Variants in TMEM8B observed in about 807,000 individuals in gnomAD.
TMEM8B encodes the protein transmembrane protein 8B.
A neutral mutation model predicts 49.3 loss-of-function variants in TMEM8B; 29 were observed. The observed-to-expected ratio is 0.59, with a 90% CI of 0.44 to 0.80. The LOEUF is 0.80. Among genes scored for constraint, TMEM8B ranks in the 30% least tolerant of loss-of-function variants. TMEM8B has a pLI of 0.00. For missense variants in TMEM8B, 575 were observed against 658.5 expected (o/e 0.87, Z 1.39); for synonymous variants, 264 against 272.8 (o/e 0.97, Z 0.32).
In TMEM8B at chr9:35,844,530, G is replaced by A. The variant is rs548884237; in HGVS notation, c.1636-1445G>A. Among the ~76,000 whole-genome samples, 20 of 152,310 alleles carry A rather than the reference G, an allele frequency of 1.3e-4. No individual in the cohort carries two copies. In the South Asian group the frequency reaches 1.7e-3, roughly 13 times the overall value. On this transcript the variant is annotated intron_variant, in intron 6 of 12. Coordinates refer to ENST00000643932, the MANE Select transcript of TMEM8B (RefSeq NM_001042590.4). ...GGACACGGCTTAGAACTTTCTAGTC[G>A]TCCTGTTAGAGCCATTTATTCAACC...
intron 3 of TMEM8B, among the ~76,000 whole-genome samples, chr9:35,840,152 A>G (rs1830831171): frequency 6.6e-6 from 1 of 152,194 alleles, no homozygotes; most frequent in Admixed American, 6.5e-5. Flanking sequence ...AGCTTACTGG[A>G]GAGTGATGAG....
rs912832818 is a variant in TMEM8B at position 35,864,985 on chromosome 9, T to C, written c.*11145T>C. On this transcript the variant is annotated 3_prime_UTR_variant, in exon 13 of 13. Coordinates refer to ENST00000643932, the MANE Select transcript of TMEM8B (RefSeq NM_001042590.4). The stretch of plus-strand genomic sequence containing the variant: ...TTGCCCCCTGCTTTCAGGGACCTCA[T>C]GGTCCCTGCCCAATTTAAAGTTCAA... 4 of 152,244 alleles carry C rather than the reference T, an allele frequency of 2.6e-5. No homozygotes were observed. The highest frequency in any genetic ancestry group is 7.2e-5 in the African/African-American group (3 of 41,446). 9.4% of individuals were successfully genotyped at this position (152,244 alleles called of 1,614,324 possible). A position where few individuals can be genotyped will look rare whatever the true frequency, so the allele number is the denominator to read the frequency against.
intron 6 of TMEM8B, chr9:35,845,283 G>A (rs1831411151): frequency 1.8e-6 from 1 of 569,858 alleles, no homozygotes; most frequent in Non-Finnish European, 2.2e-6. Flanking sequence ...CCTACCTTAG[G>A]GACAGACTTT....
chr9:35,859,202 C>T lies in TMEM8B; in HGVS notation c.*5362C>T, dbSNP rs1832607684. ...TCTTATCCACGTTGGGATCCTTGGCCTTGGGTTTGAAGTACATGAAGGAGA... is the reference window on the plus strand; with the variant it reads ...TCTTATCCACGTTGGGATCCTTGGCTTTGGGTTTGAAGTACATGAAGGAGA... On this transcript the variant is annotated 3_prime_UTR_variant, in exon 13 of 13. Transcript: ENST00000643932. 3 of 154,354 alleles carry T rather than the reference C, an allele frequency of 1.9e-5. No homozygotes were observed. The South Asian group carries it at 6.2e-4, about 32-fold the overall frequency. The allele number at this position is 154,354 out of a possible 1,614,324, so 9.6% of individuals were successfully genotyped here.
intron 2 of TMEM8B, 121 bp downstream of exon 2, chr9:35,834,771 CTGAG>C: frequency 2.4e-6 from 1 of 410,602 alleles, no homozygotes; most frequent in East Asian, 3.6e-5. Context: ...TGAAGTGTGA[CTGAG>C]TGAGGGCCAT....
In TMEM8B at chr9:35,856,056, TGA is replaced by T. The variant is rs1832533798; in HGVS notation, c.*2218_*2219del. 6.6e-6 allele frequency: 1 copy of T among 151,740 alleles called. No individual in the cohort carries two copies. Among genetic ancestry groups the T allele is most frequent in the African/African-American group, 2.4e-5 (1 of 41,268 alleles). 9.4% of individuals were successfully genotyped at this position (151,740 alleles called of 1,614,324 possible). A position where few individuals can be genotyped will look rare whatever the true frequency, so the allele number is the denominator to read the frequency against. On this transcript the variant is annotated 3_prime_UTR_variant, in exon 13 of 13. Coordinates refer to ENST00000643932, the MANE Select transcript of TMEM8B (RefSeq NM_001042590.4). ...CGGAGCTGGGGTGCATCCCTCCCAG[TGA>T]GGAGGGGTCATGAGGGGCGTCTGGG...
chr9:35,829,423 T>G lies in TMEM8B; in HGVS notation c.-25T>G. On this transcript the variant is annotated 5_prime_UTR_variant, in exon 1 of 13. Coordinates refer to ENST00000643932, the MANE Select transcript of TMEM8B (RefSeq NM_001042590.4). The stretch of plus-strand genomic sequence containing the variant: ...TCTGCGAGCGCCCCGCGCTGGCCTG[T>G]CCGGCCCCGCCCCCGCCCCGGGCCA... The G allele has an allele frequency of 5.8e-6, 2 of 342,358 alleles. No individual in the cohort carries two copies. Among genetic ancestry groups the G allele is most frequent in the Non-Finnish European group, 1.0e-5 (2 of 191,786 alleles). 21.2% of individuals were successfully genotyped at this position (342,358 alleles called of 1,614,324 possible). A position where few individuals can be genotyped will look rare whatever the true frequency, so the allele number is the denominator to read the frequency against.
In TMEM8B at chr9:35,863,631, T is replaced by A. The variant is rs1444805751; in HGVS notation, c.*9791T>A. ...ACGAAGTTTTATTTCTCATGCTACATGTCTACTGTGGCTTTCCCGGTGGCT... is the reference window on the plus strand; with the variant it reads ...ACGAAGTTTTATTTCTCATGCTACAAGTCTACTGTGGCTTTCCCGGTGGCT... On this transcript the variant is annotated 3_prime_UTR_variant, in exon 13 of 13. Transcript: ENST00000643932. 1 of 152,196 alleles carries A rather than the reference T, an allele frequency of 6.6e-6. No homozygotes were observed. Among genetic ancestry groups the A allele is most frequent in the African/African-American group, 2.4e-5 (1 of 41,452 alleles). The allele number at this position is 152,196 out of a possible 1,614,324, so 9.4% of individuals were successfully genotyped here.
Position 35,835,069 on chromosome 9 carries a change from G to C in TMEM8B, c.757G>C (p.Asp253His), listed in dbSNP as rs1830315604. 7.2e-6 allele frequency: 3 copies of C among 415,592 alleles called. No homozygotes were observed. 25.7% of individuals were successfully genotyped at this position (415,592 alleles called of 1,614,324 possible). ...INPLHTHFPG[D>H]TAVPGVFSLT... ...TCCCCTGCATACACACTTCCCAGGG[G>C]ACACAGCTGTGCCTGGGGTTTTCTC... Residue 253 changes from aspartate (D) to histidine (H), a missense_variant, in exon 3 of 13, where the codon GAC (aspartate) becomes CAC (histidine). Coordinates refer to ENST00000643932, the MANE Select transcript of TMEM8B (RefSeq NM_001042590.4).
Position 35,842,345 on chromosome 9 carries a change from G to A in TMEM8B, c.1310-47G>A, listed in dbSNP as rs1831097845. 7.2e-7 allele frequency: 1 copy of A among 1,387,726 alleles called. No homozygotes were observed. Among genetic ancestry groups the A allele is most frequent in the Non-Finnish European group, 9.6e-7 (1 of 1,039,162 alleles). The allele number at this position is 1,387,726 out of a possible 1,614,324, so 86.0% of individuals were successfully genotyped here. A position where few individuals can be genotyped will look rare whatever the true frequency, so the allele number is the denominator to read the frequency against. ...CAGATGTGTTTATGAGTAAGTTCAG[G>A]ACTGTAAAGGCTGCAGGCCCAAGCT... On this transcript the variant is annotated intron_variant, in intron 5 of 12. Coordinates refer to ENST00000643932, the MANE Select transcript of TMEM8B (RefSeq NM_001042590.4). This position sits in a 1 kb window ranked among gnomAD's most constrained non-coding sequence, Gnocchi z 5.6.
chr9:35,832,430 C>G (rs1830009151), intron 1 of TMEM8B, among the ~76,000 whole-genome samples: 1 of 152,044 alleles, frequency 6.6e-6, no homozygotes, highest in South Asian at 2.1e-4. Flanking sequence ...CAAGTTCCTC[C>G]TAGCATTCCC....
At chr9:35,838,507 T>C (rs962390650) in intron 3 of TMEM8B, among the ~76,000 whole-genome samples, 1 of 151,964 alleles carries the variant, frequency 6.6e-6, no homozygotes, top group Non-Finnish European at 1.5e-5. Context: ...TTGCTTGGTG[T>C]TCCAGCACAA....
chr9:35,842,335 G>A lies in TMEM8B; in HGVS notation c.1310-57G>A. 7.6e-7 allele frequency: 1 copy of A among 1,309,932 alleles called. No individual in the cohort carries two copies. The highest frequency in any genetic ancestry group is 1.5e-5 in the African/African-American group (1 of 67,050). The allele number at this position is 1,309,932 out of a possible 1,614,324, so 81.1% of individuals were successfully genotyped here. A position where few individuals can be genotyped will look rare whatever the true frequency, so the allele number is the denominator to read the frequency against. The stretch of plus-strand genomic sequence containing the variant: ...CTGTCTAGCTCAGATGTGTTTATGA[G>A]TAAGTTCAGGACTGTAAAGGCTGCA... On this transcript the variant is annotated intron_variant, in intron 5 of 12. Transcript: ENST00000643932. This position sits in a 1 kb window ranked among gnomAD's most constrained non-coding sequence, Gnocchi z 5.6.
At chr9:35,849,400 A>G (rs141010924) in intron 10 of TMEM8B, among the ~76,000 whole-genome samples, 3 of 152,374 alleles carry the variant, frequency 2.0e-5, no homozygotes, top group Non-Finnish European at 4.4e-5. Context: ...GTATATAGGC[A>G]AACAATTCAG....
rs758292475 is a variant in TMEM8B at position 35,842,486 on chromosome 9, G to A, written c.1404G>A (p.Pro468=). The part of the protein sequence containing the change: ...SLGNQPLPPE[P]PSLGTPAEGP... The stretch of plus-strand genomic sequence containing the variant: ...GCAACCAGCCACTGCCCCCAGAACC[G>A]CCATCCCTTGGAACCCCTGCGGAGG... Residue 468 remains proline, a synonymous_variant, in exon 6 of 13, where the codon CCG becomes CCA. Coordinates refer to ENST00000643932, the MANE Select transcript of TMEM8B (RefSeq NM_001042590.4). The surrounding 1 kb of genome is among the most constrained non-coding windows in gnomAD (Gnocchi z 5.6). The A allele has an allele frequency of 3.4e-5, 55 of 1,602,054 alleles. No homozygotes were observed. The highest frequency in any genetic ancestry group is 1.9e-4 in the Admixed American group (11 of 59,300).
At chr9:35,849,124 TC>T (rs1831909355) in intron 10 of TMEM8B, among the ~76,000 whole-genome samples, 1 of 152,162 alleles carries the variant, frequency 6.6e-6, no homozygotes, top group Non-Finnish European at 1.5e-5. Flanking sequence ...CTGTGGTCCC[TC>T]CTTGCCATTC....
At position 35,842,415 on chromosome 9, in the gene TMEM8B, C is replaced by T. The variant is rs766145367; in HGVS notation, c.1333C>T (p.Arg445Ter). Residue 445 changes from arginine (R) to a stop codon, truncating the protein, a stop_gained, in exon 6 of 13, where the codon CGA (arginine) becomes TGA (stop). Transcript: ENST00000643932. LOFTEE classifies it high-confidence loss of function. The surrounding 1 kb of genome is among the most constrained non-coding windows in gnomAD (Gnocchi z 5.6). ...AGAGTGCCCACAGCCCGGCCTGCTC[C>T]GAGCCCTGGTCCCTGGAGCTGCCAT... is the stretch of plus-strand genomic sequence containing the variant. ...LQECPQPGLL[R>*]ALVPGAAMNM... The T allele has an allele frequency of 8.4e-6, 13 of 1,539,278 alleles. No individual in the cohort carries two copies. Among genetic ancestry groups the T allele is most frequent in the African/African-American group, 2.7e-5 (2 of 72,930 alleles).
At chr9:35,845,299 C>T in intron 6 of TMEM8B, 5 of 695,556 alleles carry the variant, frequency 7.2e-6, no homozygotes, top group Non-Finnish European at 8.8e-6. Context: ...ACTTTATTTT[C>T]CTGTCCTGAT....
At chr9:35,834,070 A>ACC (rs1554679976) in intron 1 of TMEM8B, among the ~76,000 whole-genome samples, 12 of 147,300 alleles carry the variant, frequency 8.1e-5, no homozygotes, top group African/African-American at 2.8e-4. Context: ...ACACACACAC[A>ACC]CCTTCCACAC....
Sources: gnomAD v4.1 joint callset for allele counts (sites outside exome capture counted in the v4.1 genomes callset) on GRCh38, gnomAD v4.1.1 for gene constraint, Gnocchi (gnomAD v3.1) non-coding constraint, MANE v1.5 for transcripts, NCBI Gene and HGNC (gene_info 2026-07-23, HGNC 2026-07-21) for gene names.